Variants in KAT14 observed in about 807,000 individuals in gnomAD.
The protein encoded by KAT14 is cysteine-rich protein 2-binding protein.
KAT14 carries 66 observed loss-of-function variants against 78.4 expected under a neutral mutation model. The observed-to-expected ratio is 0.84, with a 90% CI of 0.69 to 1.03. KAT14 has a LOEUF of 1.03. Ranked by LOEUF, KAT14 falls within the 50% of genes least tolerant of loss-of-function variation. The probability of loss-of-function intolerance (pLI) is 0.00; values close to 1 mark genes in which losing one functional copy is unlikely to be tolerated. For missense variants in KAT14, 870 were observed against 972.5 expected, an observed-to-expected ratio of 0.89 and a Z score of 1.40; for synonymous variants, 344 against 359.4, an observed-to-expected ratio of 0.96 and a Z score of 0.48.
At chr20:18,168,689 C>G (rs749080036) in intron 7 of KAT14, among the ~76,000 whole-genome samples, 13 of 151,198 alleles carry the variant, frequency 8.6e-5, no homozygotes, top group Admixed American at 2.0e-4. Flanking sequence ...TTTCTTTTTT[C>G]TATTATTTTA....
At chr20:18,149,031 A>C (rs1395094924) in intron 3 of KAT14, among the ~76,000 whole-genome samples, 1 of 152,226 alleles carries the variant, frequency 6.6e-6, no homozygotes, top group Non-Finnish European at 1.5e-5. Context: ...TTTCAAGTAA[A>C]TATGTAAGCT....
intron 10 of KAT14, 141 bp downstream of exon 10, chr20:18,184,933 A>G (rs2039406387): frequency 1.2e-6 from 1 of 855,236 alleles, no homozygotes; most frequent in Non-Finnish European, 1.7e-6. Context: ...AAAGCCAGTC[A>G]TCAGCATTCA....
chr20:18,156,466 C>A (rs374418496), intron 4 of KAT14, among the ~76,000 whole-genome samples: 1 of 152,100 alleles, frequency 6.6e-6, no homozygotes, highest in African/African-American at 2.4e-5. Flanking sequence ...TTGTATATGT[C>A]CTGGCAACAA....
rs899027295 is a variant in KAT14, at chr20:18,187,290, G to T, written c.2177G>T (p.Cys726Phe). 4.4e-6 allele frequency: 7 copies of T among 1,600,576 alleles called. No homozygotes were observed. The Admixed American group carries it at 7.2e-5, about 16-fold the overall frequency. ...ATTTTTCCACTCTTTTGGCAGACCT[G>T]CATGGGCAAGGACGTAACCCTTCAC... is the stretch of plus-strand genomic sequence containing the variant. ...TFMIYHLIQT[C>F]MGKDVTLHVS... The change falls in exon 11 of 11, where the codon TGC (cysteine) becomes TTC (phenylalanine). Residue 726 changes from cysteine (C) to phenylalanine (F), a missense_variant. Physicochemically the swap from Cys to Phe is radical, Grantham distance 205 (BLOSUM62 -2). Transcript: ENST00000688188.
chr20:18,164,611 C>CTTTTTTTTTTTT lies in KAT14; in HGVS notation c.1668+1668_1668+1669insTTTTTTTTTTTT, dbSNP rs1568669495. Among the ~76,000 whole-genome samples the CTTTTTTTTTTTT allele has an allele frequency of 9.4e-5, 4 of 42,492 alleles. 2 individuals are homozygous for CTTTTTTTTTTTT. The allele number at this position is 42,492 out of a possible 152,430, so 27.9% of individuals were successfully genotyped here. A position where few individuals can be genotyped will look rare whatever the true frequency, so the allele number is the denominator to read the frequency against. On this transcript the variant is annotated intron_variant, in intron 7 of 10. Coordinates refer to ENST00000688188, the MANE Select transcript of KAT14 (RefSeq NM_001392073.1). The stretch of plus-strand genomic sequence containing the variant: ...TTTGTTAGTCATCTATTCACTTGTT[C>CTTTTTTTTTTTT]TTGTTCTTTTTTTTTTTTTTTTTGA...
chr20:18,179,113 C>T (rs2039156018), intron 7 of KAT14, among the ~76,000 whole-genome samples: 1 of 152,178 alleles, frequency 6.6e-6, no homozygotes, highest in African/African-American at 2.4e-5. Context: ...CACACTGATG[C>T]AAAAGGTAGG....
At chr20:18,157,153 G>A (rs940436195) in intron 4 of KAT14, among the ~76,000 whole-genome samples, 2 of 152,142 alleles carry the variant, frequency 1.3e-5, no homozygotes, top group Admixed American at 6.5e-5. Context: ...GTACGCACCC[G>A]TTTTCGACAC....
intron 7 of KAT14, among the ~76,000 whole-genome samples, chr20:18,172,063 CA>C (rs1157167679): frequency 6.6e-6 from 1 of 152,060 alleles, no homozygotes; most frequent in Non-Finnish European, 1.5e-5. Flanking sequence ...TTTTCTTAGA[CA>C]TAATGCTGTT....
chr20:18,141,343 A>AT (rs1406014800), intron 1 of KAT14, among the ~76,000 whole-genome samples: 4 of 151,806 alleles, frequency 2.6e-5, no homozygotes, highest in South Asian at 4.2e-4. Flanking sequence ...ATGAGCATTT[A>AT]TTTTTTCCGC....
At chr20:18,159,590 A>G (rs2038346110) in intron 5 of KAT14, among the ~76,000 whole-genome samples, 1 of 152,242 alleles carries the variant, frequency 6.6e-6, no homozygotes, top group South Asian at 2.1e-4. Context: ...AACATGATGA[A>G]TTCCCATGTA....
At chr20:18,144,413 C>T (rs2037739251) in intron 2 of KAT14, among the ~76,000 whole-genome samples, 1 of 152,164 alleles carries the variant, frequency 6.6e-6, no homozygotes, top group Non-Finnish European at 1.5e-5. Context: ...TGAACTTATT[C>T]TTCACAAACA....
intron 10 of KAT14, 55 bp from the exon 11 acceptor site, chr20:18,187,231 C>A (rs1235330431): frequency 4.0e-5 from 62 of 1,537,608 alleles, no homozygotes; most frequent in Non-Finnish European, 5.3e-5. Context: ...TTTACCTACT[C>A]ATTTTCCCTC....
intron 7 of KAT14, among the ~76,000 whole-genome samples, chr20:18,166,059 A>C (rs1205200): frequency 1.3e-5 from 2 of 152,016 alleles, no homozygotes; most frequent in Non-Finnish European, 2.9e-5. Context: ...GAAATACCAA[A>C]ATTGTTAGAA....
chr20:18,169,862 T>C (rs1289827066), intron 7 of KAT14, among the ~76,000 whole-genome samples: 1 of 152,236 alleles, frequency 6.6e-6, no homozygotes, highest in Non-Finnish European at 1.5e-5. Context: ...AAGGTGCTAC[T>C]CCAGTGAGTG....
intron 10 of KAT14, among the ~76,000 whole-genome samples, chr20:18,186,993 G>T (rs1341090975): frequency 6.6e-6 from 1 of 152,192 alleles, no homozygotes; most frequent in East Asian, 1.9e-4. Flanking sequence ...AAAGGTAATT[G>T]AGTTGTAAAT....
chr20:18,160,707 A>T (rs1407521964), intron 5 of KAT14, among the ~76,000 whole-genome samples: 1 of 152,032 alleles, frequency 6.6e-6, no homozygotes, highest in African/African-American at 2.4e-5. Flanking sequence ...TCTCCTTCCA[A>T]AAGTGCTGGG....
intron 4 of KAT14, among the ~76,000 whole-genome samples, chr20:18,155,823 G>T (rs2038206552): frequency 6.6e-6 from 1 of 152,122 alleles, no homozygotes; most frequent in Admixed American, 6.5e-5. Flanking sequence ...TGTGGAAAAT[G>T]GTGTGGTGTT....
chr20:18,183,965 A>G (rs1057141968), intron 9 of KAT14, among the ~76,000 whole-genome samples: 1 of 152,202 alleles, frequency 6.6e-6, no homozygotes, highest in Non-Finnish European at 1.5e-5. Flanking sequence ...TGTCGTCTTT[A>G]TTGTCACATA....
chr20:18,164,603 CACTT>C (rs1568669475), intron 7 of KAT14, among the ~76,000 whole-genome samples: 5 of 29,038 alleles, frequency 1.7e-4, no homozygotes, highest in Non-Finnish European at 3.2e-4. Context: ...GTCATCTATT[CACTT>C]GTTCTTGTTC....
Sources: gnomAD v4.1 joint callset for allele counts (sites outside exome capture counted in the v4.1 genomes callset) on GRCh38, gnomAD v4.1.1 for gene constraint, MANE v1.5 for transcripts, NCBI Gene and HGNC (gene_info 2026-07-23, HGNC 2026-07-21) for gene names.